The following SLC4A4 variants were observed in gnomAD, a reference collection of about 807,000 sequenced individuals.
The protein encoded by SLC4A4 is electrogenic sodium bicarbonate cotransporter 1.
In SLC4A4, 27 loss-of-function variants were observed where a neutral mutation model predicts 111.5. The observed-to-expected ratio is 0.24, with a 90% CI of 0.18 to 0.33. SLC4A4 has a LOEUF of 0.33. SLC4A4 is among the 10% of genes least tolerant of loss of function. SLC4A4 has a pLI of 1.00. For synonymous variants in SLC4A4, 443 were observed against 463.4 expected (o/e 0.96, Z 0.57); for missense variants, 909 against 1,315.5 (o/e 0.69, Z 4.78).
intron 6 of SLC4A4, among the ~76,000 whole-genome samples, chr4:71,363,385 A>C (rs922672296): frequency 2.6e-5 from 4 of 152,146 alleles, no homozygotes; most frequent in African/African-American, 7.2e-5. Context: ...GGCTGGGACC[A>C]CCGCCAGGTC....
intron 14 of SLC4A4, among the ~76,000 whole-genome samples, chr4:71,479,009 A>G (rs1320625542): frequency 1.3e-5 from 2 of 151,720 alleles, no homozygotes; most frequent in African/African-American, 2.4e-5. Flanking sequence ...AAATTTTCTG[A>G]CCAGGTGTCA....
At chr4:71,494,633 C>T (rs1245946079) in intron 15 of SLC4A4, among the ~76,000 whole-genome samples, 1 of 152,038 alleles carries the variant, frequency 6.6e-6, no homozygotes, top group East Asian at 1.9e-4. Flanking sequence ...TCTTAAAGTT[C>T]TGATTTAACC....
chr4:71,531,808 AAG>A (rs1413796593), intron 16 of SLC4A4, among the ~76,000 whole-genome samples: 9 of 115,592 alleles, frequency 7.8e-5, no homozygotes, highest in Admixed American at 1.6e-4. Context: ...CACACACAGA[AAG>A]AGAGAGAGAG....
chr4:71,110,187 G>A (rs758677002), intron 2 of SLC4A4, among the ~76,000 whole-genome samples: 2 of 151,928 alleles, frequency 1.3e-5, no homozygotes, highest in Non-Finnish European at 2.9e-5. Context: ...CATCCTCTGT[G>A]GCCTAGTGTA....
At chr4:71,175,540 G>T (rs535244551) in intron 2 of SLC4A4, among the ~76,000 whole-genome samples, 1 of 152,352 alleles carries the variant, frequency 6.6e-6, no homozygotes, top group African/African-American at 2.4e-5. Flanking sequence ...TATCCCGCGC[G>T]TGGCTTGGAG....
intron 2 of SLC4A4, among the ~76,000 whole-genome samples, chr4:71,111,543 T>TCG (rs1173771953): frequency 3.5e-5 from 5 of 143,060 alleles, no homozygotes; most frequent in African/African-American, 1.3e-4. Context: ...TTTTTTTTTT[T>TCG]TTTTTTTTTG....
chr4:71,451,088 G>A (rs1725721187), intron 10 of SLC4A4, 100 bp from the exon 11 acceptor site: 3 of 788,210 alleles, frequency 3.8e-6, no homozygotes, highest in East Asian at 5.2e-5. Context: ...TCACCTTAAG[G>A]GTTTTCACTC....
intron 4 of SLC4A4, among the ~76,000 whole-genome samples, chr4:71,344,290 G>T (rs1240523051): frequency 6.6e-6 from 1 of 152,128 alleles, no homozygotes; most frequent in Non-Finnish European, 1.5e-5. Flanking sequence ...TCTTTGGAGA[G>T]GCGTGGAGTG....
chr4:71,239,544 G>T (rs557284806), intron 2 of SLC4A4, among the ~76,000 whole-genome samples: 91 of 152,172 alleles, frequency 6.0e-4, no homozygotes, highest in African/African-American at 2.1e-3. Context: ...CTCAGTGGGT[G>T]GCATGACACT....
chr4:71,111,387 G>A (rs985447517), intron 2 of SLC4A4, among the ~76,000 whole-genome samples: 1 of 152,252 alleles, frequency 6.6e-6, no homozygotes, highest in East Asian at 1.9e-4. Flanking sequence ...TAGAGACAGA[G>A]TCTTGCTCTT....
intron 1 of SLC4A4, 38 bp from the exon 2 acceptor site, chr4:71,236,538 A>G (rs775502888): frequency 6.3e-7 from 1 of 1,581,952 alleles, no homozygotes; most frequent in Non-Finnish European, 8.7e-7. Flanking sequence ...GCTCCAGGAG[A>G]AGTCTGAGCA....
intron 2 of SLC4A4, among the ~76,000 whole-genome samples, chr4:71,122,577 C>G (rs1046873389): frequency 4.0e-5 from 6 of 151,422 alleles, no homozygotes; most frequent in Non-Finnish European, 8.8e-5. Flanking sequence ...TCAGAGATGC[C>G]AGGTTTAAAA....
At chr4:71,518,599 G>C (rs1732629248) in intron 16 of SLC4A4, among the ~76,000 whole-genome samples, 1 of 152,130 alleles carries the variant, frequency 6.6e-6, no homozygotes, top group Non-Finnish European at 1.5e-5. Context: ...GGCAGGGACT[G>C]GTCTGGAGGC....
intron 16 of SLC4A4, among the ~76,000 whole-genome samples, chr4:71,508,742 C>G (rs1246861702): frequency 6.6e-6 from 1 of 152,182 alleles, no homozygotes; most frequent in East Asian, 1.9e-4. Context: ...AGAGACTTCT[C>G]CCTAATTGAC....
At chr4:71,454,984 A>G (rs1381232575) in intron 12 of SLC4A4, among the ~76,000 whole-genome samples, 1 of 152,174 alleles carries the variant, frequency 6.6e-6, no homozygotes, top group East Asian at 1.9e-4. Context: ...GATACTCTCC[A>G]CACGACTTCT....
chr4:71,488,257 A>G (rs1729600862), intron 15 of SLC4A4, among the ~76,000 whole-genome samples: 1 of 151,558 alleles, frequency 6.6e-6, no homozygotes, highest in Admixed American at 6.6e-5. Context: ...AGAAATTGTT[A>G]TCTAACTTAA....
intron 15 of SLC4A4, among the ~76,000 whole-genome samples, chr4:71,497,291 C>A (rs1462664397): frequency 6.6e-6 from 1 of 152,048 alleles, no homozygotes; most frequent in Non-Finnish European, 1.5e-5. Context: ...CAAATTGCAT[C>A]ATTCTCATTG....
chr4:71,450,427 C>A lies in SLC4A4; in HGVS notation c.1092C>A (p.His364Gln), dbSNP rs759277095. 6.2e-7 allele frequency: 1 copy of A among 1,612,110 alleles called. No homozygotes were observed. The highest frequency in any genetic ancestry group is 1.7e-5 in the Admixed American group (1 of 59,990). The part of the protein sequence containing the change: ...HDIAYKAKDR[H>Q]DLIAGIDEFL... Reference sequence around the variant, plus strand: ...TTGCTTATAAAGCAAAAGACAGGCACGACCTGATTGCTGGTATTGATGAGT... The same window carrying A: ...TTGCTTATAAAGCAAAAGACAGGCAAGACCTGATTGCTGGTATTGATGAGT... Residue 364 changes from histidine to glutamine, a missense_variant, in exon 10 of 26, where the codon CAC becomes CAA. His to Gln is a conservative substitution (Grantham distance 24, BLOSUM62 0). This residue lies in a region of SLC4A4 where 312 missense variants were observed against 402.0 expected (regional missense o/e 0.78). Transcript: ENST00000264485.
At chr4:71,472,097 C>G (rs546922586) in intron 13 of SLC4A4, among the ~76,000 whole-genome samples, 1 of 152,022 alleles carries the variant, frequency 6.6e-6, no homozygotes, top group Admixed American at 6.6e-5. Context: ...TTTCCTCTTC[C>G]TGGCCTTGCT....
Sources: allele counts gnomAD v4.1 joint callset (sites outside exome capture counted in the v4.1 genomes callset), GRCh38; gene constraint gnomAD v4.1.1; regional missense constraint gnomAD v4.1.1; transcripts MANE v1.5; gene names NCBI Gene and HGNC (gene_info 2026-07-23, HGNC 2026-07-21).